The following GRIN3A variants were observed in gnomAD, a reference collection of about 807,000 sequenced individuals.
The protein encoded by GRIN3A is glutamate receptor ionotropic, NMDA 3A.
A neutral mutation model predicts 92.4 loss-of-function variants in GRIN3A; 47 were observed. The observed-to-expected ratio is 0.51, with a 90% CI of 0.40 to 0.65. The LOEUF (loss-of-function observed/expected upper bound fraction) is 0.65. Ranked by LOEUF, GRIN3A falls within the 30% of genes least tolerant of loss-of-function variation. The pLI is 0.00. For synonymous variants in GRIN3A, 527 were observed against 540.6 expected (o/e 0.97, Z 0.35); for missense variants, 1,324 against 1,393.1 (o/e 0.95, Z 0.79).
At chr9:101,725,193 G>A (rs2225879) in intron 1 of GRIN3A, among the ~76,000 whole-genome samples, 25,068 of 152,138 alleles carry the variant, frequency 0.16, 2,548 homozygotes, top group Non-Finnish European at 0.22. Context: ...ATAGTAAAAT[G>A]GTTTTTGAGC....
At chr9:101,626,872 C>T (rs150562440) in intron 4 of GRIN3A, among the ~76,000 whole-genome samples, 17 of 152,294 alleles carry the variant, frequency 1.1e-4, no homozygotes, top group African/African-American at 4.1e-4. Flanking sequence ...TGTCTTGGGC[C>T]TTCATCTGTG....
At chr9:101,615,951 C>T (rs1365497276) in intron 5 of GRIN3A, among the ~76,000 whole-genome samples, 1 of 152,208 alleles carries the variant, frequency 6.6e-6, no homozygotes, top group Admixed American at 6.6e-5. Flanking sequence ...TTATATGGCC[C>T]AGTTCTCCCT....
intron 3 of GRIN3A, 122 bp from the exon 4 acceptor site, chr9:101,628,523 G>T: frequency 1.1e-6 from 1 of 905,852 alleles, no homozygotes; most frequent in Admixed American, 2.1e-5. Flanking sequence ...CCCACAGGCA[G>T]AAACATGTAC....
intron 3 of GRIN3A, among the ~76,000 whole-genome samples, chr9:101,642,113 T>A (rs906663496): frequency 6.6e-6 from 1 of 152,142 alleles, no homozygotes; most frequent in African/African-American, 2.4e-5. Context: ...AGTATGGTAT[T>A]GGCATAAAAA....
intron 5 of GRIN3A, among the ~76,000 whole-genome samples, chr9:101,614,009 T>C (rs559467674): frequency 6.6e-6 from 1 of 152,244 alleles, no homozygotes; most frequent in South Asian, 2.1e-4. Flanking sequence ...AATAAAACCA[T>C]GTGAATAAAC....
At chr9:101,642,797 G>T (rs2118903347) in intron 3 of GRIN3A, among the ~76,000 whole-genome samples, 1 of 152,198 alleles carries the variant, frequency 6.6e-6, no homozygotes, top group South Asian at 2.1e-4. Context: ...ACGTGCGAGG[G>T]ATCTAGGTGG....
intron 2 of GRIN3A, among the ~76,000 whole-genome samples, chr9:101,686,000 A>G (rs927982184): frequency 7.2e-5 from 11 of 152,110 alleles, no homozygotes; most frequent in African/African-American, 2.7e-4. Context: ...TCAAGTTCAG[A>G]CGGTCTGAAC....
intron 3 of GRIN3A, among the ~76,000 whole-genome samples, chr9:101,656,824 G>A (rs1829094759): frequency 6.6e-6 from 1 of 151,840 alleles, no homozygotes; most frequent in Non-Finnish European, 1.5e-5. Context: ...GAAAATGAGG[G>A]AGAAGCAGCT....
chr9:101,656,783 T>C (rs928544970), intron 3 of GRIN3A, among the ~76,000 whole-genome samples: 11 of 151,864 alleles, frequency 7.2e-5, no homozygotes, highest in African/African-American at 2.4e-4. Flanking sequence ...CTGAGCCTTG[T>C]TGGGGAAAGA....
chr9:101,738,124 A>C lies in GRIN3A; in HGVS notation c.-145T>G. 1.3e-6 allele frequency: 1 copy of C among 753,612 alleles called. No homozygotes were observed. The highest frequency in any genetic ancestry group is 1.5e-5 in the South Asian group (1 of 67,212). The allele number at this position is 753,612 out of a possible 1,614,324, so 46.7% of individuals were successfully genotyped here. A position where few individuals can be genotyped will look rare whatever the true frequency, so the allele number is the denominator to read the frequency against. ...GGTCCCAGGAGCTGGAGCGGTCTCTAGGCCATGCAAGTTGGAGCGTAGCGC... is the reference window on the plus strand; with the variant it reads ...GGTCCCAGGAGCTGGAGCGGTCTCTCGGCCATGCAAGTTGGAGCGTAGCGC... On this transcript the variant is annotated 5_prime_UTR_variant, in exon 1 of 9. It removes the in-frame stop codon of an upstream open reading frame in the 5' UTR. Coordinates refer to ENST00000361820, the MANE Select transcript of GRIN3A (RefSeq NM_133445.3).
chr9:101,634,356 A>G (rs1187300023), intron 3 of GRIN3A, among the ~76,000 whole-genome samples: 1 of 147,778 alleles, frequency 6.8e-6, no homozygotes, highest in Non-Finnish European at 1.5e-5. Context: ...AAAAAAAGAA[A>G]ATTACTCCTT....
chr9:101,666,898 T>C (rs1829245085), intron 3 of GRIN3A, among the ~76,000 whole-genome samples: 1 of 152,106 alleles, frequency 6.6e-6, no homozygotes, highest in Non-Finnish European at 1.5e-5. Flanking sequence ...ATTTCAGCTC[T>C]ATTCATTTTC....
chr9:101,612,465 G>A (rs774604257), intron 6 of GRIN3A, among the ~76,000 whole-genome samples: 14 of 152,216 alleles, frequency 9.2e-5, no homozygotes, highest in Non-Finnish European at 1.9e-4. Context: ...GAATATTCAA[G>A]TGGAGATGTC....
intron 1 of GRIN3A, among the ~76,000 whole-genome samples, chr9:101,724,420 G>T (rs1051197245): frequency 6.6e-6 from 1 of 152,132 alleles, no homozygotes; most frequent in Non-Finnish European, 1.5e-5. Flanking sequence ...TGCGGGGCCC[G>T]CCAAGCCCAC....
At chr9:101,686,373 G>A (rs1402517097) in intron 2 of GRIN3A, among the ~76,000 whole-genome samples, 1 of 152,138 alleles carries the variant, frequency 6.6e-6, no homozygotes, top group African/African-American at 2.4e-5. Context: ...TTTAAAGGCA[G>A]GATTGAGCAC....
At chr9:101,691,603 C>A (rs928271688) in intron 1 of GRIN3A, among the ~76,000 whole-genome samples, 6 of 152,202 alleles carry the variant, frequency 3.9e-5, no homozygotes, top group African/African-American at 1.4e-4. Flanking sequence ...ACCATCCATT[C>A]TTCTTTGACT....
intron 6 of GRIN3A, among the ~76,000 whole-genome samples, chr9:101,601,990 T>C (rs971609078): frequency 2.6e-5 from 4 of 152,188 alleles, no homozygotes; most frequent in African/African-American, 9.7e-5. Context: ...TGAAGTCTTA[T>C]TGGACAGAAG....
chr9:101,666,332 T>A (rs990415329), intron 3 of GRIN3A, among the ~76,000 whole-genome samples: 1 of 151,962 alleles, frequency 6.6e-6, no homozygotes, highest in Non-Finnish European at 1.5e-5. Flanking sequence ...AAAACAGATT[T>A]AAAAATGCCA....
intron 5 of GRIN3A, among the ~76,000 whole-genome samples, chr9:101,620,725 T>G (rs182361971): frequency 7.2e-5 from 11 of 152,264 alleles, no homozygotes; most frequent in African/African-American, 2.6e-4. Context: ...GGTAGGCATA[T>G]AAAACATTCC....
Sources: allele counts gnomAD v4.1 joint callset (sites outside exome capture counted in the v4.1 genomes callset), GRCh38; gene constraint gnomAD v4.1.1; transcripts MANE v1.5; gene names NCBI Gene and HGNC (gene_info 2026-07-23, HGNC 2026-07-21).